Variants in SPMIP2 observed in about 807,000 individuals in gnomAD.
SPMIP2 encodes sperm microtubule inner protein 2, also known as protein SPMIP2.
At chr4:159,064,271 T>C in the SPMIP2 span, 1 of 152,034 alleles carries the variant, frequency 6.6e-6, no homozygotes, top group African/African-American at 2.4e-5. Context: ...TCCATTTTAT[T>C]TTTATTTATT....
At chr4:159,058,232 T>A in the SPMIP2 span, among the ~76,000 whole-genome samples, 1 of 151,646 alleles carries the variant, frequency 6.6e-6, no homozygotes, top group Non-Finnish European at 1.5e-5. Flanking sequence ...GTTTTGAACA[T>A]TTTTTAATAG....
At chr4:159,026,384 T>A in the SPMIP2 span, 1 of 843,854 alleles carries the variant, frequency 1.2e-6, no homozygotes, top group Non-Finnish European at 2.0e-6. Flanking sequence ...CTCTACAACT[T>A]TACAGATGGA....
chr4:158,956,728 T>G, the SPMIP2 span, among the ~76,000 whole-genome samples: 1 of 152,230 alleles, frequency 6.6e-6, no homozygotes, highest in African/African-American at 2.4e-5. Flanking sequence ...ACACATGCTT[T>G]ACTTCCCCAT....
the SPMIP2 span, among the ~76,000 whole-genome samples, chr4:159,021,146 CAG>C: frequency 0.094 from 14,255 of 152,294 alleles, 909 homozygotes; most frequent in Admixed American, 0.18. Context: ...CTTCATCACA[CAG>C]AAATGACTAG....
chr4:158,917,515 C>A, the SPMIP2 span, among the ~76,000 whole-genome samples: 8 of 152,042 alleles, frequency 5.3e-5, no homozygotes, highest in East Asian at 1.6e-3. Flanking sequence ...TTCGCCTTCA[C>A]CTTCCCCTCG....
At chr4:158,942,634 G>A in the SPMIP2 span, among the ~76,000 whole-genome samples, 1 of 152,086 alleles carries the variant, frequency 6.6e-6, no homozygotes, top group Non-Finnish European at 1.5e-5. Context: ...GCCAGGCATG[G>A]TGGTGGTGGG....
chr4:159,043,667 A>G, the SPMIP2 span, among the ~76,000 whole-genome samples: 1 of 152,232 alleles, frequency 6.6e-6, no homozygotes, highest in African/African-American at 2.4e-5. Flanking sequence ...TTTTTTAAAA[A>G]TACAATTGAA....
the SPMIP2 span, among the ~76,000 whole-genome samples, chr4:158,933,408 CATT>C: frequency 6.6e-6 from 1 of 152,148 alleles, no homozygotes; most frequent in Non-Finnish European, 1.5e-5. Flanking sequence ...CAAACTGTAT[CATT>C]GTGAAATGAA....
chr4:159,082,125 C>T, the SPMIP2 span, among the ~76,000 whole-genome samples: 1 of 150,714 alleles, frequency 6.6e-6, no homozygotes. Context: ...TGAGACCAGC[C>T]CGGCCAATAT....
chr4:158,951,066 G>A, the SPMIP2 span, among the ~76,000 whole-genome samples: 1 of 152,180 alleles, frequency 6.6e-6, no homozygotes, highest in Non-Finnish European at 1.5e-5. Context: ...ATCCTGTCAG[G>A]TTAAACTGCC....
chr4:158,976,643 A>G, the SPMIP2 span, among the ~76,000 whole-genome samples: 1 of 146,310 alleles, frequency 6.8e-6, no homozygotes, highest in East Asian at 2.0e-4. Flanking sequence ...AGCCAACTGG[A>G]TCAGGATGGA....
the SPMIP2 span, among the ~76,000 whole-genome samples, chr4:158,988,973 C>A: frequency 6.6e-6 from 1 of 152,050 alleles, no homozygotes; most frequent in Admixed American, 6.6e-5. Context: ...ATAATTATAT[C>A]TTTACAAAAC....
the SPMIP2 span, among the ~76,000 whole-genome samples, chr4:158,952,997 C>A: frequency 6.6e-6 from 1 of 152,164 alleles, no homozygotes; most frequent in African/African-American, 2.4e-5. Context: ...ATAAGGGAAA[C>A]TGAGCATAAA....
At chr4:159,030,225 C>A in the SPMIP2 span, among the ~76,000 whole-genome samples, 1 of 152,056 alleles carries the variant, frequency 6.6e-6, no homozygotes, top group Non-Finnish European at 1.5e-5. Flanking sequence ...CCAGCCTGGG[C>A]AATATGGTGA....
At chr4:159,008,078 A>G in the SPMIP2 span, among the ~76,000 whole-genome samples, 1 of 152,148 alleles carries the variant, frequency 6.6e-6, no homozygotes, top group African/African-American at 2.4e-5. Flanking sequence ...TCTAAAATAA[A>G]TAAGTAGATA....
chr4:159,065,052 C>CTA, the SPMIP2 span, among the ~76,000 whole-genome samples: 1 of 152,178 alleles, frequency 6.6e-6, no homozygotes, highest in Non-Finnish European at 1.5e-5. Flanking sequence ...TGCATTTGGT[C>CTA]AGGGGACCTT....
chr4:158,952,351 G>GC, the SPMIP2 span, among the ~76,000 whole-genome samples: 3 of 152,136 alleles, frequency 2.0e-5, no homozygotes, highest in East Asian at 3.9e-4. Flanking sequence ...CATGGGGGTG[G>GC]TTTTCCCCAT....
the SPMIP2 span, among the ~76,000 whole-genome samples, chr4:159,061,712 A>T: frequency 6.6e-6 from 1 of 151,808 alleles, no homozygotes. Context: ...TTGAGACACT[A>T]AGACATGAGA....
the SPMIP2 span, among the ~76,000 whole-genome samples, chr4:158,924,255 A>G: frequency 6.6e-6 from 1 of 152,194 alleles, no homozygotes; most frequent in Non-Finnish European, 1.5e-5. Flanking sequence ...AAACTAATAC[A>G]GTCAGGTTGA....
Sources: gnomAD v4.1 joint callset for allele counts (sites outside exome capture counted in the v4.1 genomes callset) on GRCh38, gnomAD v4.1.1 for gene constraint, MANE v1.5 for transcripts, NCBI Gene and HGNC (gene_info 2026-07-23, HGNC 2026-07-21) for gene names.